Variants in RASSF5 observed in about 807,000 individuals in gnomAD.
The protein encoded by RASSF5 is ras association domain-containing protein 5.
A neutral mutation model predicts 40.5 loss-of-function variants in RASSF5; 25 were observed. The ratio of observed to expected loss-of-function variants is 0.62; its 90% confidence interval spans 0.45 to 0.86. The LOEUF (loss-of-function observed/expected upper bound fraction) is 0.86. Ranked by LOEUF, RASSF5 falls within the 40% of genes least tolerant of loss-of-function variation. The pLI, the probability that RASSF5 is intolerant of heterozygous loss-of-function variation, is 0.00. For synonymous variants in RASSF5, 246 were observed against 252.4 expected (o/e 0.97, Z 0.24); for missense variants, 521 against 572.8 (o/e 0.91, Z 0.92).
At chr1:206,527,826 T>G (rs1157008997) in intron 1 of RASSF5, among the ~76,000 whole-genome samples, 1 of 151,742 alleles carries the variant, frequency 6.6e-6, no homozygotes, top group Admixed American at 6.6e-5. Flanking sequence ...CAGTGCAGAG[T>G]AGGGACCAGG....
rs1666678905 is a variant in RASSF5 at position 206,513,741 on chromosome 1, G to A, written c.457+5682G>A. Among the ~76,000 whole-genome samples the A allele has an allele frequency of 6.6e-6, 1 of 152,220 alleles. No homozygotes were observed. Among genetic ancestry groups the A allele is most frequent in the Non-Finnish European group, 1.5e-5 (1 of 68,030 alleles). Reference sequence around the variant, plus strand: ...GCAAGCCTTTCTCCACATGTTCCGGGCTGGATCTCAGGGTCGGAAGGGGAA... The same window carrying A: ...GCAAGCCTTTCTCCACATGTTCCGGACTGGATCTCAGGGTCGGAAGGGGAA... On this transcript the variant is annotated intron_variant, in intron 1 of 5. Transcript: ENST00000579436. This position sits in a 1 kb window ranked among gnomAD's most constrained non-coding sequence, Gnocchi z 5.0.
intron 2 of RASSF5, among the ~76,000 whole-genome samples, chr1:206,577,676 G>A (rs1175940965): frequency 6.6e-6 from 1 of 152,150 alleles, no homozygotes; most frequent in Non-Finnish European, 1.5e-5. Context: ...GACAGGCGTG[G>A]GTGCTTCTCT....
At chr1:206,530,628 G>A (rs1667215067) in intron 1 of RASSF5, among the ~76,000 whole-genome samples, 1 of 152,202 alleles carries the variant, frequency 6.6e-6, no homozygotes, top group African/African-American at 2.4e-5. Context: ...TGAAACTAGA[G>A]TGAGATTTTA....
intron 2 of RASSF5, among the ~76,000 whole-genome samples, chr1:206,555,346 G>A (rs782584704): frequency 6.6e-6 from 1 of 151,326 alleles, no homozygotes; most frequent in Non-Finnish European, 1.5e-5. Flanking sequence ...ACACAGTGTG[G>A]CCACAGAGAA....
Position 206,512,565 on chromosome 1 carries a change from G to A in RASSF5, c.457+4506G>A, listed in dbSNP as rs180674954. 1.9e-3 allele frequency among the ~76,000 whole-genome samples: 287 copies of A among 152,250 alleles called. 1 individual carries two copies. The highest frequency in any genetic ancestry group is 0.013 in the South Asian group (62 of 4,828). ...GGTGGAAGTGAATTGACATCTCCCC[G>A]CAGCACTGAGGGTTTGGTCTGATAT... is the stretch of plus-strand genomic sequence containing the variant. On this transcript the variant is annotated intron_variant, in intron 1 of 5. Transcript: ENST00000579436.
chr1:206,531,826 A>G lies in RASSF5; in HGVS notation c.458-6346A>G, dbSNP rs965662939. 6.6e-6 allele frequency among the ~76,000 whole-genome samples: 1 copy of G among 152,152 alleles called. No individual in the cohort carries two copies. Among genetic ancestry groups the G allele is most frequent in the South Asian group, 2.1e-4 (1 of 4,824 alleles). ...GCCAAGGCAGGCGGATCACGAGGTC[A>G]GGAGATCGAGAGCATCCTGGCTAAC... On this transcript the variant is annotated intron_variant, in intron 1 of 5. Coordinates refer to ENST00000579436, the MANE Select transcript of RASSF5 (RefSeq NM_182663.4). The surrounding 1 kb of genome is among the most constrained non-coding windows in gnomAD (Gnocchi z 4.7).
Position 206,507,721 on chromosome 1 carries a change from G to A in RASSF5, c.119G>A (p.Arg40Gln). The A allele has an allele frequency of 6.7e-7, 1 of 1,483,630 alleles. No homozygotes were observed. Among genetic ancestry groups the A allele is most frequent in the Non-Finnish European group, 8.9e-7 (1 of 1,123,924 alleles). The allele number at this position is 1,483,630 out of a possible 1,614,324, so 91.9% of individuals were successfully genotyped here. A position where few individuals can be genotyped will look rare whatever the true frequency, so the allele number is the denominator to read the frequency against. The change falls in exon 1 of 6, where the codon CGG becomes CAG. Residue 40 changes from arginine (R) to glutamine (Q), a missense_variant. By Grantham distance (43) the Arg-to-Gln change is conservative. Around this residue, in one of 2 missense-constraint regions of RASSF5, gnomAD observed 237 missense variants for 212.0 expected, o/e 1.12. Coordinates refer to ENST00000579436, the MANE Select transcript of RASSF5 (RefSeq NM_182663.4). ...GPELPPPPPD[R>Q]SSRLCVPAPL... is the part of the protein sequence containing the mutation. ...GAGCTACCGCCGCCGCCCCCCGACC[G>A]GTCCTCGCGCCTCTGTGTCCCGGCG...
intron 2 of RASSF5, among the ~76,000 whole-genome samples, chr1:206,577,974 G>A (rs1668715922): frequency 1.3e-5 from 2 of 152,146 alleles, no homozygotes; most frequent in Non-Finnish European, 2.9e-5. Context: ...TGTAATCCTG[G>A]CACTTCGTGA....
At chr1:206,541,504 G>A (rs1190885300) in intron 2 of RASSF5, among the ~76,000 whole-genome samples, 2 of 152,190 alleles carry the variant, frequency 1.3e-5, no homozygotes, top group Non-Finnish European at 2.9e-5. Context: ...ATCAGAAACC[G>A]AGGAAGGCCG....
At chr1:206,509,455 A>G (rs1666557730) in intron 1 of RASSF5, among the ~76,000 whole-genome samples, 1 of 152,252 alleles carries the variant, frequency 6.6e-6, no homozygotes, top group Non-Finnish European at 1.5e-5. Context: ...TGTTGTGGGT[A>G]GAGGGGCTGC....
intron 2 of RASSF5, among the ~76,000 whole-genome samples, chr1:206,557,887 C>T (rs1464787542): frequency 6.6e-6 from 1 of 152,192 alleles, no homozygotes; most frequent in Non-Finnish European, 1.5e-5. Context: ...GTCAGCCCTC[C>T]TCACAGCGGT....
Position 206,585,385 on chromosome 1 carries a change from G to T in RASSF5, c.1104+90G>T, listed in dbSNP as rs1004425835. On this transcript the variant is annotated intron_variant, in intron 5 of 5. Transcript: ENST00000579436. ...TGTCCTAACTACCTCACATAGGTGGGAGCCACGCAGCACGGGCAGGAAGGT... is the reference window on the plus strand; with the variant it reads ...TGTCCTAACTACCTCACATAGGTGGTAGCCACGCAGCACGGGCAGGAAGGT... 4.9e-5 allele frequency: 44 copies of T among 896,674 alleles called. No homozygotes were observed. The African/African-American group carries it at 5.1e-4, about 10-fold the overall frequency. The allele number at this position is 896,674 out of a possible 1,614,324, so 55.5% of individuals were successfully genotyped here.
At position 206,507,715 on chromosome 1, in the gene RASSF5, C is replaced by G. The variant is rs557108539; in HGVS notation, c.113C>G (p.Pro38Arg). The G allele has an allele frequency of 7.1e-5, 106 of 1,486,834 alleles. 1 individual carries two copies. In the East Asian group the frequency reaches 2.5e-3, roughly 36 times the overall value. 92.1% of individuals were successfully genotyped at this position (1,486,834 alleles called of 1,614,324 possible). The change falls in exon 1 of 6, where the codon CCC becomes CGC. Residue 38 changes from proline (P) to arginine (R), a missense_variant. Around this residue, in one of 2 missense-constraint regions of RASSF5, gnomAD observed 237 missense variants for 212.0 expected, o/e 1.12. Transcript: ENST00000579436. ...LSGPELPPPP[P>R]DRSSRLCVPA... ...GGCCCCGAGCTACCGCCGCCGCCCCCCGACCGGTCCTCGCGCCTCTGTGTC... is the reference window on the plus strand; with the variant it reads ...GGCCCCGAGCTACCGCCGCCGCCCCGCGACCGGTCCTCGCGCCTCTGTGTC...
intron 1 of RASSF5, among the ~76,000 whole-genome samples, chr1:206,522,210 G>A (rs1666925402): frequency 6.6e-6 from 1 of 152,080 alleles, no homozygotes; most frequent in African/African-American, 2.4e-5. Context: ...GCTATGGGAG[G>A]CCCTCAGTCA....
Position 206,516,954 on chromosome 1 carries a change from G to A in RASSF5, c.457+8895G>A, listed in dbSNP as rs187492950. ...GGTCCCAAGTGTCATTTCAGGACCC[G>A]GACTTGCTTATGCCCTTCTTCTGGT... On this transcript the variant is annotated intron_variant, in intron 1 of 5. Transcript: ENST00000579436. 6.1e-4 allele frequency among the ~76,000 whole-genome samples: 93 copies of A among 152,206 alleles called. 1 individual carries two copies. Among genetic ancestry groups the A allele is most frequent in the Non-Finnish European group, 4.0e-4 (27 of 68,020 alleles).
At position 206,507,624 on chromosome 1, in the gene RASSF5, A is replaced by T; in HGVS notation, c.22A>T (p.Ile8Phe). Residue 8 changes from isoleucine (I) to phenylalanine (F), a missense_variant, in exon 1 of 6, where the codon ATC (isoleucine) becomes TTC (phenylalanine). This residue lies in a region of RASSF5 where 237 missense variants were observed against 212.0 expected (regional missense o/e 1.12). Coordinates refer to ENST00000579436, the MANE Select transcript of RASSF5 (RefSeq NM_182663.4). Reference sequence around the variant, plus strand: ...GGGCATGGCCATGGCGTCCCCGGCCATCGGGCAGCGCCCGTACCCGCTACT... The same window carrying T: ...GGGCATGGCCATGGCGTCCCCGGCCTTCGGGCAGCGCCCGTACCCGCTACT... MAMASPA[I>F]GQRPYPLLLD... 6.6e-7 allele frequency: 1 copy of T among 1,525,226 alleles called. No homozygotes were observed. The highest frequency in any genetic ancestry group is 1.4e-5 in the African/African-American group (1 of 69,646). The allele number at this position is 1,525,226 out of a possible 1,614,324, so 94.5% of individuals were successfully genotyped here.
rs149953519 is a variant in RASSF5 at position 206,566,825 on chromosome 1, A to G, written c.580-16444A>G. Among the ~76,000 whole-genome samples the G allele has an allele frequency of 1.3e-3, 195 of 152,044 alleles. 1 individual carries two copies. Among genetic ancestry groups the G allele is most frequent in the Middle Eastern group, 3.4e-3 (1 of 294 alleles). On this transcript the variant is annotated intron_variant, in intron 2 of 5. Coordinates refer to ENST00000579436, the MANE Select transcript of RASSF5 (RefSeq NM_182663.4). ...TCTTTCTCTCCTATCTCTCCTTTCA[A>G]TGGGCTATAATTTTCTGGACCAGGG... is the stretch of plus-strand genomic sequence containing the variant.
chr1:206,561,583 C>T lies in RASSF5; in HGVS notation c.580-21686C>T, dbSNP rs1668144271. 2.0e-5 allele frequency among the ~76,000 whole-genome samples: 3 copies of T among 151,844 alleles called. No individual in the cohort carries two copies. The South Asian group carries it at 6.2e-4, about 32-fold the overall frequency. ...TAAACCTCTATCTTCCCACTGGAGA[C>T]TCCTCCTCATGTGTGTTTTTCTCTG... is the stretch of plus-strand genomic sequence containing the variant. On this transcript the variant is annotated intron_variant, in intron 2 of 5. Transcript: ENST00000579436.
In RASSF5 at chr1:206,573,062, C is replaced by T. The variant is rs115511349; in HGVS notation, c.580-10207C>T. On this transcript the variant is annotated intron_variant, in intron 2 of 5. Transcript: ENST00000579436. ...GTGATGATGATAATTTGGATGATGA[C>T]GCACTAGCTAACATTTATGGAGTGC... is the stretch of plus-strand genomic sequence containing the variant. Among the ~76,000 whole-genome samples the T allele has an allele frequency of 8.6e-3, 1,303 of 152,296 alleles. 22 individuals are homozygous for T. Among genetic ancestry groups the T allele is most frequent in the African/African-American group, 0.03 (1,244 of 41,550 alleles).
Sources: gnomAD v4.1 joint callset for allele counts (sites outside exome capture counted in the v4.1 genomes callset) on GRCh38, gnomAD v4.1.1 for gene constraint, gnomAD v4.1.1 regional missense constraint, Gnocchi (gnomAD v3.1) non-coding constraint, MANE v1.5 for transcripts, NCBI Gene and HGNC (gene_info 2026-07-23, HGNC 2026-07-21) for gene names.